The following KCNIP4 variants were observed in gnomAD, a reference collection of about 807,000 sequenced individuals.
KCNIP4 encodes the protein Kv channel-interacting protein 4.
Under a neutral mutation model 34.0 loss-of-function variants are expected in KCNIP4, and 12 were observed. The ratio of observed to expected loss-of-function variants is 0.35; its 90% CI spans 0.23 to 0.57. KCNIP4 has a LOEUF of 0.57. KCNIP4 is among the 20% of genes least tolerant of loss of function. KCNIP4 has a pLI of 0.83. For synonymous variants in KCNIP4, 124 were observed against 102.2 expected (o/e 1.21, Z -1.29); for missense variants, 238 against 311.7 (o/e 0.76, Z 1.78).
chr4:21,339,474 G>A (rs1042815658), intron 1 of KCNIP4, among the ~76,000 whole-genome samples: 55 of 152,284 alleles, frequency 3.6e-4, no homozygotes, highest in African/African-American at 1.3e-3. Context: ...GCATGACAAG[G>A]TTACAACCAT....
In KCNIP4 at chr4:21,767,325, C is replaced by T. The variant is rs912629608; in HGVS notation, c.61+181246G>A. Among the ~76,000 whole-genome samples, 11 of 151,910 alleles carry T rather than the reference C, an allele frequency of 7.2e-5. No individual in the cohort carries two copies. The South Asian group carries it at 1.9e-3, about 26-fold the overall frequency. ...TGGGAATCTATGTGGGGGTTCAGAG[C>T]AGGGTGGGGCAGAGCTGATACATGT... On this transcript the variant is annotated intron_variant, in intron 1 of 8. Coordinates refer to ENST00000382152, the MANE Select transcript of KCNIP4 (RefSeq NM_025221.6).
chr4:21,715,702 T>C (rs1714319654), intron 1 of KCNIP4, among the ~76,000 whole-genome samples: 1 of 152,220 alleles, frequency 6.6e-6, no homozygotes, highest in African/African-American at 2.4e-5. Context: ...AAATTATATC[T>C]GCTCTAAAAA....
intron 1 of KCNIP4, among the ~76,000 whole-genome samples, chr4:20,927,015 C>G (rs909176171): frequency 5.3e-5 from 8 of 152,130 alleles, no homozygotes; most frequent in Admixed American, 1.3e-4. Context: ...GAGTCTCGCT[C>G]TATCGCCCAG....
At chr4:21,641,479 A>G (rs1746613267) in intron 1 of KCNIP4, among the ~76,000 whole-genome samples, 1 of 152,216 alleles carries the variant, frequency 6.6e-6, no homozygotes, top group Non-Finnish European at 1.5e-5. Context: ...ATGCAAATAT[A>G]TACCAATTTA....
chr4:21,816,054 T>A (rs796321743), intron 1 of KCNIP4, among the ~76,000 whole-genome samples: 3 of 152,316 alleles, frequency 2.0e-5, no homozygotes, highest in African/African-American at 7.2e-5. Context: ...GTTTCTACTA[T>A]CAAAGCTGTT....
At chr4:21,073,759 T>C (rs1027213309) in intron 1 of KCNIP4, among the ~76,000 whole-genome samples, 5 of 152,196 alleles carry the variant, frequency 3.3e-5, no homozygotes, top group African/African-American at 1.2e-4. Flanking sequence ...TTCAGTATGA[T>C]ATTGGCCATG....
chr4:21,789,537 C>T (rs929707248), intron 1 of KCNIP4, among the ~76,000 whole-genome samples: 6 of 152,122 alleles, frequency 3.9e-5, no homozygotes, highest in African/African-American at 1.4e-4. Context: ...ATCTAAATTT[C>T]TGTATTATTA....
At chr4:21,413,288 C>T (rs1724668230) in intron 1 of KCNIP4, among the ~76,000 whole-genome samples, 1 of 152,142 alleles carries the variant, frequency 6.6e-6, no homozygotes, top group African/African-American at 2.4e-5. Flanking sequence ...ATGGAAAAGG[C>T]CAGACTCAGG....
intron 1 of KCNIP4, among the ~76,000 whole-genome samples, chr4:21,177,878 A>ATATATATATATATATAT (rs397839047): frequency 2.1e-5 from 3 of 145,482 alleles, no homozygotes; most frequent in African/African-American, 7.9e-5. Flanking sequence ...ATATATATAT[A>ATATATATATATATATAT]AAATATAACA....
intron 1 of KCNIP4, among the ~76,000 whole-genome samples, chr4:21,285,464 T>A (rs948729825): frequency 6.6e-6 from 1 of 151,878 alleles, no homozygotes; most frequent in African/African-American, 2.4e-5. Flanking sequence ...GCAAGAAAAA[T>A]TTGATGTTAG....
chr4:21,899,829 T>G (rs1727609654), intron 1 of KCNIP4, among the ~76,000 whole-genome samples: 1 of 152,172 alleles, frequency 6.6e-6, no homozygotes, highest in Non-Finnish European at 1.5e-5. Flanking sequence ...GTTCATGGAT[T>G]GGAAGAATCA....
chr4:21,512,763 G>T (rs1734442541), intron 1 of KCNIP4, among the ~76,000 whole-genome samples: 1 of 152,156 alleles, frequency 6.6e-6, no homozygotes, highest in Non-Finnish European at 1.5e-5. Flanking sequence ...GCATTTAATA[G>T]GTAAAATCTA....
intron 1 of KCNIP4, among the ~76,000 whole-genome samples, chr4:21,684,363 C>T (rs938662839): frequency 6.6e-6 from 1 of 152,080 alleles, no homozygotes; most frequent in Non-Finnish European, 1.5e-5. Flanking sequence ...ATTCATATTT[C>T]ATAATAAAAT....
intron 2 of KCNIP4, among the ~76,000 whole-genome samples, chr4:20,877,415 T>G (rs1354120604): frequency 6.6e-6 from 1 of 152,192 alleles, no homozygotes; most frequent in Non-Finnish European, 1.5e-5. Context: ...CTTTTTTTCC[T>G]TCCTGGACCC....
chr4:21,481,781 C>T (rs1271734610), intron 1 of KCNIP4, among the ~76,000 whole-genome samples: 2 of 152,042 alleles, frequency 1.3e-5, no homozygotes, highest in Non-Finnish European at 1.5e-5. Context: ...CTTTGCATGC[C>T]TATCTGCTTA....
At chr4:20,839,575 G>A (rs1719482951) in intron 3 of KCNIP4, among the ~76,000 whole-genome samples, 1 of 151,014 alleles carries the variant, frequency 6.6e-6, no homozygotes, top group Non-Finnish European at 1.5e-5. Context: ...CAAAGTTTGA[G>A]AGGGGGAAAA....
At chr4:21,063,972 C>T (rs1293708475) in intron 1 of KCNIP4, among the ~76,000 whole-genome samples, 1 of 152,060 alleles carries the variant, frequency 6.6e-6, no homozygotes, top group Non-Finnish European at 1.5e-5. Context: ...CTCTGCAGAT[C>T]CAAAGATTCA....
chr4:20,848,133 G>A (rs987066700), intron 3 of KCNIP4, among the ~76,000 whole-genome samples: 3 of 152,086 alleles, frequency 2.0e-5, no homozygotes, highest in African/African-American at 7.2e-5. Flanking sequence ...GAGAGATGTC[G>A]ATTAATATTT....
intron 1 of KCNIP4, among the ~76,000 whole-genome samples, chr4:21,805,361 G>C (rs1353953013): frequency 6.6e-6 from 1 of 152,028 alleles, no homozygotes; most frequent in Non-Finnish European, 1.5e-5. Context: ...TGAATCATGG[G>C]GGCTGTTTCC....
Sources: gnomAD v4.1 joint callset for allele counts (sites outside exome capture counted in the v4.1 genomes callset) on GRCh38, gnomAD v4.1.1 for gene constraint, MANE v1.5 for transcripts, NCBI Gene and HGNC (gene_info 2026-07-23, HGNC 2026-07-21) for gene names.